Variants in FBXL17 observed in about 807,000 individuals in gnomAD.
FBXL17 encodes the protein F-box and leucine rich repeat protein 17.
Under a neutral mutation model 66.2 loss-of-function variants are expected in FBXL17, and 22 were observed. The ratio of observed to expected loss-of-function variants is 0.33; its 90% confidence interval spans 0.24 to 0.47. The LOEUF is 0.47. FBXL17 is among the 20% of genes least tolerant of loss of function. The probability of loss-of-function intolerance (pLI) is 1.00; values close to 1 mark genes in which losing one functional copy is unlikely to be tolerated. For synonymous variants in FBXL17, 474 were observed against 400.5 expected (o/e 1.18, Z -2.19); for missense variants, 878 against 948.2 (o/e 0.93, Z 0.97).
chr5:107,979,192 T>A (rs995769390), intron 7 of FBXL17, among the ~76,000 whole-genome samples: 2 of 152,278 alleles, frequency 1.3e-5, no homozygotes, highest in South Asian at 2.1e-4. Context: ...TATATACATG[T>A]CTCCTTGGAG....
intron 5 of FBXL17, among the ~76,000 whole-genome samples, chr5:108,220,743 A>G (rs1409441460): frequency 6.6e-6 from 1 of 152,168 alleles, no homozygotes; most frequent in Non-Finnish European, 1.5e-5. Flanking sequence ...TTTAGTGGCA[A>G]ATGACATGCA....
chr5:107,948,352 G>C lies in FBXL17; in HGVS notation c.1823-67173C>G, dbSNP rs145245588. On this transcript the variant is annotated intron_variant, in intron 7 of 8. Coordinates refer to ENST00000542267, the MANE Select transcript of FBXL17 (RefSeq NM_001163315.3). ...TATAATAATTCAGCATCGTGTGACT[G>C]AAACTGCACACCTGGGAGTCACCCT... is the stretch of plus-strand genomic sequence containing the variant. Among the ~76,000 whole-genome samples, 201 of 152,278 alleles carry C rather than the reference G, an allele frequency of 1.3e-3. 1 individual carries two copies. The highest frequency in any genetic ancestry group is 4.7e-3 in the African/African-American group (196 of 41,564).
At chr5:107,947,850 T>C (rs1437116516) in intron 7 of FBXL17, among the ~76,000 whole-genome samples, 3 of 152,170 alleles carry the variant, frequency 2.0e-5, no homozygotes, top group Non-Finnish European at 1.5e-5. Context: ...ATGAATCTCT[T>C]ATTTTTTAAA....
At chr5:108,275,073 ATAAC>A (rs1237595330) in intron 4 of FBXL17, among the ~76,000 whole-genome samples, 3 of 152,208 alleles carry the variant, frequency 2.0e-5, no homozygotes, top group Non-Finnish European at 4.4e-5. Context: ...TCATCCACAA[ATAAC>A]TAACTCAGAA....
intron 6 of FBXL17, among the ~76,000 whole-genome samples, chr5:108,097,405 A>G (rs568445341): frequency 2.0e-5 from 3 of 152,380 alleles, no homozygotes; most frequent in African/African-American, 7.2e-5. Flanking sequence ...AAAGTTGGAC[A>G]TAGCTCTAAC....
intron 6 of FBXL17, among the ~76,000 whole-genome samples, chr5:108,067,191 T>G (rs1210380358): frequency 6.6e-6 from 1 of 152,172 alleles, no homozygotes; most frequent in Non-Finnish European, 1.5e-5. Flanking sequence ...CTTGTTATCG[T>G]AACAATATGG....
At chr5:108,225,930 C>T (rs1755080722) in intron 4 of FBXL17, among the ~76,000 whole-genome samples, 2 of 152,180 alleles carry the variant, frequency 1.3e-5, no homozygotes, top group South Asian at 4.1e-4. Flanking sequence ...TTTCCTCCTT[C>T]CTTACTTTTG....
intron 6 of FBXL17, among the ~76,000 whole-genome samples, chr5:108,144,152 A>G (rs567346372): frequency 6.6e-6 from 1 of 152,166 alleles, no homozygotes; most frequent in African/African-American, 2.4e-5. Flanking sequence ...ATCTTAACTT[A>G]AAAAGAGGTT....
intron 6 of FBXL17, among the ~76,000 whole-genome samples, chr5:108,093,723 AT>A (rs1231495867): frequency 2.0e-5 from 3 of 152,184 alleles, no homozygotes; most frequent in Non-Finnish European, 4.4e-5. Flanking sequence ...AGACCTCAGA[AT>A]TAAGTGGGTA....
intron 4 of FBXL17, among the ~76,000 whole-genome samples, chr5:108,338,676 G>A (rs1193652773): frequency 2.6e-5 from 4 of 152,028 alleles, no homozygotes; most frequent in Non-Finnish European, 2.9e-5. Context: ...AAAAAGTATC[G>A]AAACAGTATG....
intron 5 of FBXL17, among the ~76,000 whole-genome samples, chr5:108,204,187 AAT>A (rs1173501110): frequency 6.6e-6 from 1 of 152,090 alleles, no homozygotes; most frequent in African/African-American, 2.4e-5. Context: ...ATAGTTATTT[AAT>A]ATAAGGTCTT....
At chr5:108,324,708 A>G (rs1327481219) in intron 4 of FBXL17, among the ~76,000 whole-genome samples, 1 of 149,866 alleles carries the variant, frequency 6.7e-6, no homozygotes, top group African/African-American at 2.5e-5. Flanking sequence ...AGATGAATGG[A>G]TAAACAAAAG....
chr5:107,915,095 T>C (rs1378639029), intron 7 of FBXL17, among the ~76,000 whole-genome samples: 1 of 152,182 alleles, frequency 6.6e-6, no homozygotes, highest in Non-Finnish European at 1.5e-5. Flanking sequence ...TTTCTTACTA[T>C]AATTGCAATT....
rs549974369 is a variant in FBXL17, at chr5:108,146,210, C to T, written c.1745+39907G>A. 4.1e-4 allele frequency among the ~76,000 whole-genome samples: 61 copies of T among 148,590 alleles called. No individual in the cohort carries two copies. The South Asian group carries it at 0.012, about 29-fold the overall frequency. On this transcript the variant is annotated intron_variant, in intron 6 of 8. Coordinates refer to ENST00000542267, the MANE Select transcript of FBXL17 (RefSeq NM_001163315.3). ...TGGCACCACTGCACTCCAGCCTGGG[C>T]GACATAGCAAGACTTCGTCTCAAAA... is the stretch of plus-strand genomic sequence containing the variant.
intron 4 of FBXL17, among the ~76,000 whole-genome samples, chr5:108,261,276 C>T (rs1756809997): frequency 6.6e-6 from 1 of 151,584 alleles, no homozygotes; most frequent in Admixed American, 6.6e-5. Context: ...GGGAGGTTGA[C>T]AGACCAAAAA....
At chr5:108,144,561 T>C (rs574060482) in intron 6 of FBXL17, among the ~76,000 whole-genome samples, 2 of 152,310 alleles carry the variant, frequency 1.3e-5, no homozygotes, top group African/African-American at 4.8e-5. Context: ...CTTTCAAAGA[T>C]ATACCACGTG....
At chr5:107,989,132 G>A (rs1436447951) in intron 7 of FBXL17, among the ~76,000 whole-genome samples, 2 of 151,942 alleles carry the variant, frequency 1.3e-5, no homozygotes, top group Non-Finnish European at 1.5e-5. Flanking sequence ...CCATTTCTTT[G>A]TGTTAGGAAT....
At chr5:108,307,758 C>T (rs985572608) in intron 4 of FBXL17, among the ~76,000 whole-genome samples, 1 of 151,998 alleles carries the variant, frequency 6.6e-6, no homozygotes, top group Non-Finnish European at 1.5e-5. Flanking sequence ...AACAAATTAC[C>T]CTTCATCTTG....
intron 7 of FBXL17, among the ~76,000 whole-genome samples, chr5:107,988,034 A>G (rs1040141485): frequency 6.6e-6 from 1 of 152,034 alleles, no homozygotes; most frequent in African/African-American, 2.4e-5. Context: ...AACACACAAA[A>G]TCTACCAATG....
Sources: gnomAD v4.1 joint callset for allele counts (sites outside exome capture counted in the v4.1 genomes callset) on GRCh38, gnomAD v4.1.1 for gene constraint, MANE v1.5 for transcripts, NCBI Gene and HGNC (gene_info 2026-07-23, HGNC 2026-07-21) for gene names.